The following HERC2 variants were observed in gnomAD, a reference collection of about 807,000 sequenced individuals.
The protein encoded by HERC2 is E3 ubiquitin-protein ligase HERC2.
HERC2 carries 102 observed loss-of-function variants against 537.7 expected under a neutral mutation model. The observed-to-expected ratio is 0.19, with a 90% CI of 0.16 to 0.22. HERC2 has a LOEUF of 0.22. Ranked by LOEUF, HERC2 falls within the 10% of genes least tolerant of loss-of-function variation. The pLI is 1.00. For synonymous variants in HERC2, 2,224 were observed against 2,466.2 expected, an observed-to-expected ratio of 0.90 and a Z score of 2.91; for missense variants, 4,236 against 6,198.2, an observed-to-expected ratio of 0.68 and a Z score of 10.63.
chr15:28,113,169 A>C lies in HERC2; in HGVS notation c.14134T>G (p.Ser4712Ala), dbSNP rs1190865506. 6.2e-7 allele frequency: 1 copy of C among 1,614,076 alleles called. No homozygotes were observed. ...AGGAAAAGAGAGCGCTCTGTGTTGG[A>C]GAAGGACTCCATCACCTCCCAGAAC... ...QWFWEVMESFSNTERSLFLRF... is the reference protein window; with the variant it reads ...QWFWEVMESFANTERSLFLRF... Residue 4712 changes from serine (S) to alanine (A), a missense_variant, in exon 92 of 93, where the codon TCC (serine) becomes GCC (alanine). Ser to Ala is a moderately conservative substitution (Grantham distance 99, BLOSUM62 1). Around this residue, in one of 27 missense-constraint regions of HERC2, gnomAD observed 313 missense variants for 462.6 expected, o/e 0.68. Transcript: ENST00000261609. This position sits in a 1 kb window ranked among gnomAD's most constrained non-coding sequence, Gnocchi z 7.0.
chr15:28,258,084 T>C (rs1026716449), intron 16 of HERC2, among the ~76,000 whole-genome samples: 5 of 152,192 alleles, frequency 3.3e-5, no homozygotes, highest in Admixed American at 2.6e-4. Context: ...TGAAATCATA[T>C]ACAGTTTGTT....
Position 28,229,747 on chromosome 15 carries a change from C to T in HERC2, c.4910G>A (p.Ser1637Asn). ...TTTAAGGGCAAATTCAGCAATTGTACTGAGGAGTGGAGACTGCGGATAAAG... is the reference window on the plus strand; with the variant it reads ...TTTAAGGGCAAATTCAGCAATTGTATTGAGGAGTGGAGACTGCGGATAAAG... ...QGLYPQSPLL[S>N]TIAEFALKEE... The change falls in exon 32 of 93, where the codon AGT becomes AAT. Residue 1637 changes from serine to asparagine, a missense_variant. By Grantham distance (46) the Ser-to-Asn change is conservative. This residue lies in a region of HERC2 where 343 missense variants were observed against 417.2 expected (regional missense o/e 0.82). Transcript: ENST00000261609. 6.2e-7 allele frequency: 1 copy of T among 1,600,766 alleles called. No individual in the cohort carries two copies. The highest frequency in any genetic ancestry group is 8.5e-7 in the Non-Finnish European group (1 of 1,169,648).
chr15:28,233,871 T>C, intron 27 of HERC2, 75 bp from the exon 28 acceptor site: 1 of 1,412,796 alleles, frequency 7.1e-7, no homozygotes, highest in Non-Finnish European at 1.0e-6. Context: ...TGCCACAGCT[T>C]CTGACGCACT....
chr15:28,127,685 GCATGGCGGGAA>G (rs546758969), intron 83 of HERC2, among the ~76,000 whole-genome samples: 2 of 152,152 alleles, frequency 1.3e-5, no homozygotes, highest in Non-Finnish European at 2.9e-5. Context: ...GAGGCGTGGG[GCATGGCGGGAA>G]CAAGTGGAGG....
At chr15:28,197,795 C>G (rs974485655) in intron 50 of HERC2, among the ~76,000 whole-genome samples, 1 of 152,128 alleles carries the variant, frequency 6.6e-6, no homozygotes, top group Non-Finnish European at 1.5e-5. Context: ...AATGTTAGAA[C>G]ATTTCACAGA....
At chr15:28,274,691 G>A (rs2075824983) in intron 6 of HERC2, among the ~76,000 whole-genome samples, 1 of 152,190 alleles carries the variant, frequency 6.6e-6, no homozygotes, top group African/African-American at 2.4e-5. Context: ...GGTTGACGTG[G>A]GGGTGGGGGT....
chr15:28,157,436 T>C (rs1442924726), intron 69 of HERC2, among the ~76,000 whole-genome samples: 1 of 152,266 alleles, frequency 6.6e-6, no homozygotes, highest in Admixed American at 6.5e-5. Context: ...GTTACTGGTC[T>C]ATTCAGAGAT....
Position 28,144,728 on chromosome 15 carries a change from C to A in HERC2, c.11085G>T (p.Gly3695=). The A allele has an allele frequency of 2.5e-6, 4 of 1,614,224 alleles. No homozygotes were observed. Among genetic ancestry groups the A allele is most frequent in the Non-Finnish European group, 3.4e-6 (4 of 1,180,040 alleles). Residue 3695 remains glycine, a synonymous_variant, in exon 72 of 93, where the codon GGG becomes GGT. Transcript: ENST00000261609. ...DELKWKFISD[G]SVNGWGWRFT... is the part of the protein sequence containing the mutation. ...AGCGCCAGCCCCAGCCATTCACAGACCCATCGCTGATGAACTTCCACTTTA... is the reference window on the plus strand; with the variant it reads ...AGCGCCAGCCCCAGCCATTCACAGAACCATCGCTGATGAACTTCCACTTTA...
chr15:28,306,400 T>A (rs2076789888), intron 2 of HERC2, among the ~76,000 whole-genome samples: 1 of 152,260 alleles, frequency 6.6e-6, no homozygotes, highest in African/African-American at 2.4e-5. Context: ...TGAACCATCC[T>A]GGCATCCCTG....
Position 28,270,724 on chromosome 15 carries a change from G to A in HERC2, c.1228C>T (p.Pro410Ser), listed in dbSNP as rs1441184268. The A allele has an allele frequency of 1.2e-6, 2 of 1,613,828 alleles. No individual in the cohort carries two copies. The highest frequency in any genetic ancestry group is 3.3e-5 in the Admixed American group (2 of 59,986). Residue 410 changes from proline (P) to serine (S), a missense_variant, in exon 10 of 93, where the codon CCG (proline) becomes TCG (serine). Coordinates refer to ENST00000261609, the MANE Select transcript of HERC2 (RefSeq NM_004667.6). ...LDRLATPCMP[P>S]LCSSPTSHKG... Reference sequence around the variant, plus strand: ...TGAGATGTCGGAGAGCTACACAGCGGAGGCATACAGGGCGTAGCCAGACGG... The same window carrying A: ...TGAGATGTCGGAGAGCTACACAGCGAAGGCATACAGGGCGTAGCCAGACGG...
chr15:28,320,955 G>C (rs374773302), intron 2 of HERC2, among the ~76,000 whole-genome samples: 4 of 151,710 alleles, frequency 2.6e-5, no homozygotes, highest in Non-Finnish European at 4.4e-5. Flanking sequence ...CTCATAAAAT[G>C]AGTGAGTTTC....
chr15:28,170,553 A>C (rs1894589553), intron 65 of HERC2, among the ~76,000 whole-genome samples: 1 of 152,204 alleles, frequency 6.6e-6, no homozygotes, highest in Non-Finnish European at 1.5e-5. Context: ...CAAAACTATA[A>C]ATCTTTTAGA....
chr15:28,138,117 G>T (rs1389226563), intron 78 of HERC2, among the ~76,000 whole-genome samples: 1 of 152,210 alleles, frequency 6.6e-6, no homozygotes, highest in Non-Finnish European at 1.5e-5. Context: ...AAAGTCTGAA[G>T]GTAACAGAGA....
intron 65 of HERC2, among the ~76,000 whole-genome samples, chr15:28,173,825 C>T (rs1237829064): frequency 1.4e-5 from 2 of 147,516 alleles, no homozygotes; most frequent in Admixed American, 1.3e-4. Context: ...CAAACAACAA[C>T]AATAACAAAA....
rs753056580 is a variant in HERC2, at chr15:28,111,726, G to A, written c.*37C>T. 1 of 1,605,372 alleles carries A rather than the reference G, an allele frequency of 6.2e-7. No homozygotes were observed. The highest frequency in any genetic ancestry group is 8.5e-7 in the Non-Finnish European group (1 of 1,173,502). ...CACAGCAGCGAGCGCTCTGCTGCCT[G>A]GCTCAGGCTCTCATCTCACGAGGAC... On this transcript the variant is annotated 3_prime_UTR_variant, in exon 93 of 93. Coordinates refer to ENST00000261609, the MANE Select transcript of HERC2 (RefSeq NM_004667.6).
Position 28,246,819 on chromosome 15 carries a change from G to A in HERC2, c.3314C>T (p.Pro1105Leu). The stretch of plus-strand genomic sequence containing the variant: ...GGTAGAAGCAATGCTGGCGGCCACA[G>A]GCAGTATATCTCCAATGTGCGTGCA... ...LLCTHIGDIL[P>L]VAASIASTSW... Residue 1105 changes from proline (P) to leucine (L), a missense_variant, in exon 22 of 93, where the codon CCT becomes CTT. Coordinates refer to ENST00000261609, the MANE Select transcript of HERC2 (RefSeq NM_004667.6). The A allele has an allele frequency of 5.0e-6, 8 of 1,610,698 alleles. No homozygotes were observed. Among genetic ancestry groups the A allele is most frequent in the Non-Finnish European group, 5.1e-6 (6 of 1,178,734 alleles).
chr15:28,152,121 TG>T (rs1260992018), intron 70 of HERC2, among the ~76,000 whole-genome samples: 1 of 152,160 alleles, frequency 6.6e-6, no homozygotes, highest in African/African-American at 2.4e-5. Flanking sequence ...GCGGAACTTA[TG>T]GGCCTCCGAA....
chr15:28,121,460 A>G (rs1888877487), intron 85 of HERC2, 31 bp from the exon 86 acceptor site: 1 of 1,527,630 alleles, frequency 6.5e-7, no homozygotes, highest in Non-Finnish European at 9.1e-7. Context: ...AAAATTTAGA[A>G]TCTGATATGG....
chr15:28,203,273 T>G (rs1223490973), intron 45 of HERC2: 3 of 134,688 alleles, frequency 2.2e-5, no homozygotes, highest in Non-Finnish European at 4.7e-5. Context: ...CCAGCTGCTC[T>G]CATAGCACTG....
Sources: allele counts gnomAD v4.1 joint callset (sites outside exome capture counted in the v4.1 genomes callset), GRCh38; gene constraint gnomAD v4.1.1; regional missense constraint gnomAD v4.1.1; non-coding constraint Gnocchi (gnomAD v3.1); transcripts MANE v1.5; gene names NCBI Gene and HGNC (gene_info 2026-07-23, HGNC 2026-07-21).